The following PDE2A variants were observed in gnomAD, a reference collection of about 807,000 sequenced individuals.
PDE2A encodes cGMP-dependent 3',5'-cyclic phosphodiesterase.
A neutral mutation model predicts 133.6 loss-of-function variants in PDE2A; 53 were observed. The observed-to-expected ratio is 0.40, with a 90% CI of 0.32 to 0.50. The LOEUF (loss-of-function observed/expected upper bound fraction) is 0.50, where lower values mean the gene tolerates loss of function less well. Ranked by LOEUF, PDE2A falls within the 20% of genes least tolerant of loss-of-function variation. PDE2A has a pLI of 0.73. For synonymous variants in PDE2A, 491 were observed against 490.2 expected (o/e 1.00, Z -0.02); for missense variants, 796 against 1,232.4 (o/e 0.65, Z 5.30).
chr11:72,589,132 G>A (rs1252788055), intron 12 of PDE2A, 43 bp downstream of exon 12: 2 of 1,543,482 alleles, frequency 1.3e-6, no homozygotes, highest in African/African-American at 2.7e-5. Context: ...GCTGGCAGTG[G>A]GGTCTCCTCT....
At chr11:72,605,406 C>T (rs141141957) in intron 3 of PDE2A, among the ~76,000 whole-genome samples, 180 bp from the exon 4 acceptor site, 11 of 152,294 alleles carry the variant, frequency 7.2e-5, no homozygotes, top group African/African-American at 2.4e-4. Context: ...GCAAAACACC[C>T]GGTGAACTAA....
intron 25 of PDE2A, 190 bp from the exon 26 acceptor site, chr11:72,579,798 T>A (rs958518183): frequency 1.7e-6 from 1 of 577,240 alleles, no homozygotes. Context: ...CCAGGGTGAG[T>A]CCCTAGACCA....
chr11:72,585,381 T>A lies in PDE2A; in HGVS notation c.1276A>T (p.Asn426Tyr), dbSNP rs759598982. The change falls in exon 16 of 31, where the codon AAC becomes TAC. Residue 426 changes from asparagine (N) to tyrosine (Y), a missense_variant. Around this residue, in one of 7 missense-constraint regions of PDE2A, gnomAD observed 31 missense variants for 70.2 expected, o/e 0.44. Transcript: ENST00000334456. The part of the protein sequence containing the change: ...EIITEARNLS[N>Y]AEICSVFLLD... ...GGTAGAGTCACTCACATCTCTGCGTTGCTGAGGTTTCTGGCCTCCGTGATG... is the reference window on the plus strand; with the variant it reads ...GGTAGAGTCACTCACATCTCTGCGTAGCTGAGGTTTCTGGCCTCCGTGATG... The A allele has an allele frequency of 1.2e-6, 2 of 1,613,904 alleles. No individual in the cohort carries two copies. Among genetic ancestry groups the A allele is most frequent in the Non-Finnish European group, 1.7e-6 (2 of 1,179,798 alleles).
intron 13 of PDE2A, among the ~76,000 whole-genome samples, chr11:72,588,193 C>T (rs1856064651): frequency 6.6e-6 from 1 of 152,186 alleles, no homozygotes; most frequent in African/African-American, 2.4e-5. Flanking sequence ...CAGGCACCTA[C>T]TGCCTGTTTA....
At chr11:72,593,502 C>T (rs993619604) in intron 6 of PDE2A, among the ~76,000 whole-genome samples, 36 of 152,284 alleles carry the variant, frequency 2.4e-4, no homozygotes, top group African/African-American at 7.9e-4. Flanking sequence ...CCCAGCACAG[C>T]CCCCAGGTCC....
rs771332803 is a variant in PDE2A, at chr11:72,578,350, C to T, written c.2509-11G>A. 85 of 1,597,682 alleles carry T rather than the reference C, an allele frequency of 5.3e-5. No homozygotes were observed. The highest frequency in any genetic ancestry group is 4.0e-5 in the African/African-American group (3 of 74,574). On this transcript the variant is annotated splice_polypyrimidine_tract_variant and intron_variant, in intron 29 of 30. Coordinates refer to ENST00000334456, the MANE Select transcript of PDE2A (RefSeq NM_002599.5). This position sits in a 1 kb window ranked among gnomAD's most constrained non-coding sequence, Gnocchi z 4.2. ...GCCCATGGCCTTCTCCTGCAGGCATCGAGTCGTCAGGCCTGTCCCTCTCAT... is the reference window on the plus strand; with the variant it reads ...GCCCATGGCCTTCTCCTGCAGGCATTGAGTCGTCAGGCCTGTCCCTCTCAT...
At chr11:72,663,898 A>T (rs1404869844) in intron 1 of PDE2A, among the ~76,000 whole-genome samples, 1 of 152,034 alleles carries the variant, frequency 6.6e-6, no homozygotes, top group Non-Finnish European at 1.5e-5. Context: ...TTGTCCCTCC[A>T]CATCCAATCT....
chr11:72,622,019 G>A (rs924237493), intron 2 of PDE2A, among the ~76,000 whole-genome samples: 3 of 152,136 alleles, frequency 2.0e-5, no homozygotes, highest in African/African-American at 7.2e-5. Flanking sequence ...ACAACCCAAT[G>A]TTTTAAATGG....
intron 1 of PDE2A, among the ~76,000 whole-genome samples, chr11:72,654,515 G>T (rs1047411386): frequency 6.6e-6 from 1 of 152,138 alleles, no homozygotes; most frequent in African/African-American, 2.4e-5. Context: ...CCTCCCAGAG[G>T]GAGAGTGTGG....
chr11:72,646,009 A>G (rs1322941245), intron 1 of PDE2A, among the ~76,000 whole-genome samples: 2 of 152,220 alleles, frequency 1.3e-5, no homozygotes, highest in Non-Finnish European at 2.9e-5. Context: ...AGGTAAGGAA[A>G]TCAGATTTCC....
At chr11:72,612,158 C>T (rs543095214) in intron 2 of PDE2A, among the ~76,000 whole-genome samples, 54 of 152,260 alleles carry the variant, frequency 3.5e-4, no homozygotes, top group African/African-American at 1.3e-3. Context: ...TTGCTACGCA[C>T]TCCTCTACTC....
chr11:72,606,549 G>C (rs1856980189), intron 3 of PDE2A, among the ~76,000 whole-genome samples: 1 of 152,204 alleles, frequency 6.6e-6, no homozygotes, highest in Non-Finnish European at 1.5e-5. Context: ...GGGTGGGAAT[G>C]ATAAGGCCTG....
chr11:72,656,273 G>A (rs1854899607), intron 1 of PDE2A, among the ~76,000 whole-genome samples: 1 of 152,176 alleles, frequency 6.6e-6, no homozygotes, highest in Non-Finnish European at 1.5e-5. Context: ...TCTTCATCAG[G>A]ACAATGGGGC....
At chr11:72,592,402 C>A (rs1225269303) in intron 6 of PDE2A, among the ~76,000 whole-genome samples, 1 of 152,186 alleles carries the variant, frequency 6.6e-6, no homozygotes, top group Non-Finnish European at 1.5e-5. Flanking sequence ...GAGGAGGAGA[C>A]CAGCAGGTTC....
intron 3 of PDE2A, among the ~76,000 whole-genome samples, chr11:72,605,507 A>G (rs527947067): frequency 5.0e-4 from 76 of 152,336 alleles, no homozygotes; most frequent in African/African-American, 1.8e-3. Context: ...CCAATGTGCC[A>G]GGTAAAGAGT....
At chr11:72,584,774 G>A (rs755364126) in intron 17 of PDE2A, 46 bp from the exon 18 acceptor site, 4 of 1,610,408 alleles carry the variant, frequency 2.5e-6, no homozygotes, top group African/African-American at 1.3e-5. Context: ...TAGTGACCCG[G>A]CCACAGAGGG....
chr11:72,623,259 C>T (rs1857869058), intron 2 of PDE2A, among the ~76,000 whole-genome samples: 1 of 152,144 alleles, frequency 6.6e-6, no homozygotes, highest in African/African-American at 2.4e-5. Flanking sequence ...TGTGGGCCAG[C>T]ACCATCCACA....
At chr11:72,617,573 C>A (rs755540327) in intron 2 of PDE2A, among the ~76,000 whole-genome samples, 1 of 152,236 alleles carries the variant, frequency 6.6e-6, no homozygotes, top group Non-Finnish European at 1.5e-5. Context: ...GCTCTCTCAA[C>A]AGAGCTTGGC....
chr11:72,603,816 A>C (rs1856856142), intron 4 of PDE2A, among the ~76,000 whole-genome samples: 1 of 152,212 alleles, frequency 6.6e-6, no homozygotes, highest in African/African-American at 2.4e-5. Flanking sequence ...CAGTGGGAGA[A>C]TAGGAAATGG....
Sources: allele counts gnomAD v4.1 joint callset (sites outside exome capture counted in the v4.1 genomes callset), GRCh38; gene constraint gnomAD v4.1.1; regional missense constraint gnomAD v4.1.1; non-coding constraint Gnocchi (gnomAD v3.1); transcripts MANE v1.5; gene names NCBI Gene and HGNC (gene_info 2026-07-23, HGNC 2026-07-21).